The following CDYL2 variants were observed in gnomAD, a reference collection of about 807,000 sequenced individuals.
The protein encoded by CDYL2 is chromodomain Y-like protein 2.
In CDYL2, 23 loss-of-function variants were observed where a neutral mutation model predicts 49.4. The ratio of observed to expected loss-of-function variants is 0.47; its 90% CI spans 0.34 to 0.66. The LOEUF (loss-of-function observed/expected upper bound fraction) is 0.66, where lower values mean the gene tolerates loss of function less well. Ranked by LOEUF, CDYL2 falls within the 30% of genes least tolerant of loss-of-function variation. The pLI, the probability that CDYL2 is intolerant of heterozygous loss-of-function variation, is 0.01. For missense variants in CDYL2, 678 were observed against 656.4 expected (o/e 1.03, Z -0.36); for synonymous variants, 360 against 268.8 (o/e 1.34, Z -3.32).
intron 2 of CDYL2, among the ~76,000 whole-genome samples, chr16:80,671,996 C>T (rs1046266631): frequency 2.0e-5 from 3 of 152,140 alleles, no homozygotes; most frequent in African/African-American, 7.2e-5. Flanking sequence ...TGTGTGGGAT[C>T]ACAAGTGTTT....
chr16:80,784,818 A>G (rs1289825417), intron 1 of CDYL2, among the ~76,000 whole-genome samples: 2 of 152,188 alleles, frequency 1.3e-5, no homozygotes, highest in African/African-American at 4.8e-5. Flanking sequence ...GGCTGCCCCA[A>G]GAATATATCA....
chr16:80,712,189 G>GTATATA (rs527296483), intron 1 of CDYL2, among the ~76,000 whole-genome samples: 24 of 75,848 alleles, frequency 3.2e-4, no homozygotes, highest in South Asian at 2.8e-3. Context: ...GTGTCTGTGT[G>GTATATA]TGTATATATA....
chr16:80,635,564 G>C (rs1026464060), intron 2 of CDYL2, among the ~76,000 whole-genome samples: 1 of 152,018 alleles, frequency 6.6e-6, no homozygotes, highest in Non-Finnish European at 1.5e-5. Flanking sequence ...AAATAAGAGA[G>C]GACACAAACA....
intron 1 of CDYL2, among the ~76,000 whole-genome samples, chr16:80,802,931 A>G (rs925957796): frequency 6.6e-6 from 1 of 152,174 alleles, no homozygotes; most frequent in Non-Finnish European, 1.5e-5. Flanking sequence ...ATCTCAATGG[A>G]GCCCCAAAGC....
chr16:80,711,947 A>G (rs1904611223), intron 1 of CDYL2, among the ~76,000 whole-genome samples: 1 of 151,334 alleles, frequency 6.6e-6, no homozygotes, highest in Admixed American at 6.6e-5. Flanking sequence ...ACACCCATAT[A>G]TATGTGTGTG....
chr16:80,758,006 TATAA>T (rs1050701178), intron 1 of CDYL2, among the ~76,000 whole-genome samples: 4 of 152,170 alleles, frequency 2.6e-5, no homozygotes, highest in African/African-American at 9.7e-5. Context: ...AAGGCTTTAC[TATAA>T]ATAAATAAAT....
At chr16:80,688,417 T>C (rs1191216765) in intron 1 of CDYL2, among the ~76,000 whole-genome samples, 2 of 149,954 alleles carry the variant, frequency 1.3e-5, no homozygotes, top group Non-Finnish European at 2.9e-5. Flanking sequence ...AAATATATAA[T>C]AATAAAGAAA....
chr16:80,728,122 G>A (rs1299864394), intron 1 of CDYL2, among the ~76,000 whole-genome samples: 1 of 152,216 alleles, frequency 6.6e-6, no homozygotes, highest in Non-Finnish European at 1.5e-5. Flanking sequence ...CGAGCTGAGA[G>A]AAGAAGGCTT....
At chr16:80,719,156 T>C (rs533235608) in intron 1 of CDYL2, among the ~76,000 whole-genome samples, 1 of 151,674 alleles carries the variant, frequency 6.6e-6, no homozygotes, top group South Asian at 2.1e-4. Flanking sequence ...AGAGATAGAG[T>C]GCTGAGCAAG....
chr16:80,759,160 TTATA>T (rs1324733452), intron 1 of CDYL2, among the ~76,000 whole-genome samples: 4 of 128,126 alleles, frequency 3.1e-5, no homozygotes, highest in Non-Finnish European at 6.6e-5. Context: ...AATATATGGT[TTATA>T]TATATATATA....
chr16:80,656,523 T>G (rs777237436), intron 2 of CDYL2, among the ~76,000 whole-genome samples: 8 of 152,204 alleles, frequency 5.3e-5, no homozygotes, highest in Non-Finnish European at 1.2e-4. Context: ...AAGGAAATGG[T>G]GCATGCTACA....
In CDYL2 at chr16:80,684,609, T is replaced by C. The variant is rs758179207; in HGVS notation, c.545A>G (p.Asn182Ser). The C allele has an allele frequency of 9.3e-6, 15 of 1,614,068 alleles. No individual in the cohort carries two copies. In the African/African-American group the frequency reaches 1.6e-4, roughly 17 times the overall value. ...NGSHQPGLDL[N>S]DHVGEQDMGE... is the part of the protein sequence containing the mutation. Reference sequence around the variant, plus strand: ...CATATCTTGCTCTCCAACATGATCATTCAAATCCAAGCCAGGCTGATGGGA... The same window carrying C: ...CATATCTTGCTCTCCAACATGATCACTCAAATCCAAGCCAGGCTGATGGGA... Residue 182 changes from asparagine (N) to serine (S), a missense_variant, in exon 2 of 7, where the codon AAT (asparagine) becomes AGT (serine). By Grantham distance (46) the Asn-to-Ser change is conservative. Around this residue, in one of 3 missense-constraint regions of CDYL2, gnomAD observed 478 missense variants for 427.0 expected, o/e 1.12. Coordinates refer to ENST00000570137, the MANE Select transcript of CDYL2 (RefSeq NM_152342.4).
Position 80,692,264 on chromosome 16 carries a change from T to C in CDYL2, c.25-7135A>G, listed in dbSNP as rs114032414. Among the ~76,000 whole-genome samples, 647 of 152,324 alleles carry C rather than the reference T, an allele frequency of 4.2e-3. 5 individuals are homozygous for C. Among genetic ancestry groups the C allele is most frequent in the African/African-American group, 0.015 (623 of 41,566 alleles). ...GCAAAGCTTCTTCATTTCAAAAAAC[T>C]GAATTATCTGCCTCATCCCCCAGCC... On this transcript the variant is annotated intron_variant, in intron 1 of 6. Transcript: ENST00000570137.
At position 80,620,724 on chromosome 16, in the gene CDYL2, C is replaced by G. The variant is rs188917316; in HGVS notation, c.1007+39G>C. The G allele has an allele frequency of 4.0e-6, 6 of 1,512,050 alleles. No individual in the cohort carries two copies. In the African/African-American group the frequency reaches 7.0e-5, roughly 18 times the overall value. The allele number at this position is 1,512,050 out of a possible 1,614,324, so 93.7% of individuals were successfully genotyped here. A position where few individuals can be genotyped will look rare whatever the true frequency, so the allele number is the denominator to read the frequency against. On this transcript the variant is annotated intron_variant, in intron 4 of 6. Transcript: ENST00000570137. ...CCTGTATTTTTACTTGGTAATCCTA[C>G]GCAGGACCCCAGGGTGTGTGAAAAG...
chr16:80,663,824 C>G (rs1909148881), intron 2 of CDYL2, among the ~76,000 whole-genome samples: 1 of 152,198 alleles, frequency 6.6e-6, no homozygotes, highest in Non-Finnish European at 1.5e-5. Flanking sequence ...AATTCCTGAG[C>G]TCAGGCAATC....
At chr16:80,789,504 G>A (rs1463825053) in intron 1 of CDYL2, among the ~76,000 whole-genome samples, 1 of 152,036 alleles carries the variant, frequency 6.6e-6, no homozygotes, top group Non-Finnish European at 1.5e-5. Flanking sequence ...GGAGGCTGAG[G>A]CAGAAGAATC....
intron 2 of CDYL2, among the ~76,000 whole-genome samples, chr16:80,669,684 G>C (rs1386065399): frequency 1.3e-5 from 2 of 152,180 alleles, no homozygotes; most frequent in Non-Finnish European, 2.9e-5. Context: ...GGCTGGCTTT[G>C]TGGCCTCAGG....
At chr16:80,714,699 C>A (rs569197250) in intron 1 of CDYL2, among the ~76,000 whole-genome samples, 2 of 152,140 alleles carry the variant, frequency 1.3e-5, no homozygotes, top group Non-Finnish European at 2.9e-5. Flanking sequence ...TACATCAATG[C>A]CATCCTGGAA....
At chr16:80,764,722 T>C (rs188360496) in intron 1 of CDYL2, among the ~76,000 whole-genome samples, 4 of 152,084 alleles carry the variant, frequency 2.6e-5, no homozygotes, top group African/African-American at 9.6e-5. Flanking sequence ...ATAATAATAA[T>C]TAAGTGGGTC....
Sources: allele counts gnomAD v4.1 joint callset (sites outside exome capture counted in the v4.1 genomes callset), GRCh38; gene constraint gnomAD v4.1.1; regional missense constraint gnomAD v4.1.1; transcripts MANE v1.5; gene names NCBI Gene and HGNC (gene_info 2026-07-23, HGNC 2026-07-21).